The following CRISPLD1 variants were observed in gnomAD, a reference collection of about 807,000 sequenced individuals.
The protein encoded by CRISPLD1 is cysteine-rich secretory protein LCCL domain-containing 1.
CRISPLD1 carries 60 observed loss-of-function variants against 77.5 expected under a neutral mutation model. The observed-to-expected ratio is 0.77, with a 90% CI of 0.63 to 0.96. CRISPLD1 has a LOEUF of 0.96. CRISPLD1 is among the 40% of genes least tolerant of loss of function. CRISPLD1 has a pLI of 0.00. For missense variants in CRISPLD1, 623 were observed against 615.8 expected (o/e 1.01, Z -0.12); for synonymous variants, 195 against 200.1 (o/e 0.97, Z 0.22).
rs1179562196 is a variant in CRISPLD1 at position 75,032,547 on chromosome 8, T to C, written c.*305T>C. On this transcript the variant is annotated 3_prime_UTR_variant, in exon 15 of 15. Coordinates refer to ENST00000262207, the MANE Select transcript of CRISPLD1 (RefSeq NM_031461.6). ...GTTCTACGTTTCATATATTATATGG[T>C]GCTTTGTATATGCCACTAATAAAAT... is the stretch of plus-strand genomic sequence containing the variant. 4.7e-6 allele frequency: 1 copy of C among 210,584 alleles called. No individual in the cohort carries two copies. Among genetic ancestry groups the C allele is most frequent in the Non-Finnish European group, 9.4e-6 (1 of 106,446 alleles). 13.0% of individuals were successfully genotyped at this position (210,584 alleles called of 1,614,324 possible).
In CRISPLD1 at chr8:75,000,226, C is replaced by G. The variant is rs1394988668; in HGVS notation, c.259-12207C>G. On this transcript the variant is annotated intron_variant, in intron 2 of 14. Coordinates refer to ENST00000262207, the MANE Select transcript of CRISPLD1 (RefSeq NM_031461.6). ...AACTATATCTTATGCTTGGTCAAGA[C>G]GTGTCAAATCTGTATCTGAAATAGT... is the stretch of plus-strand genomic sequence containing the variant. 12 of 984,946 alleles carry G rather than the reference C, an allele frequency of 1.2e-5. No individual in the cohort carries two copies. In the Admixed American group the frequency reaches 7.4e-4, roughly 61 times the overall value. The allele number at this position is 984,946 out of a possible 1,614,324, so 61.0% of individuals were successfully genotyped here.
At chr8:74,988,281 T>A (rs1812524880) in intron 2 of CRISPLD1, among the ~76,000 whole-genome samples, 1 of 152,224 alleles carries the variant, frequency 6.6e-6, no homozygotes, top group African/African-American at 2.4e-5. Flanking sequence ...GTATTTATTC[T>A]GAGAAAACAA....
chr8:74,999,801 T>C (rs907348950), intron 2 of CRISPLD1, among the ~76,000 whole-genome samples: 2 of 150,410 alleles, frequency 1.3e-5, no homozygotes. Context: ...AAAGTACTTA[T>C]AATACACAAT....
intron 5 of CRISPLD1, 67 bp downstream of exon 5, chr8:75,014,169 C>T (rs1812986841): frequency 1.0e-6 from 1 of 964,266 alleles, no homozygotes; most frequent in South Asian, 1.3e-5. Flanking sequence ...CCTTTACGTT[C>T]CTGATTGTTC....
chr8:75,009,149 A>G (rs1023727604), intron 2 of CRISPLD1, among the ~76,000 whole-genome samples: 2 of 152,036 alleles, frequency 1.3e-5, no homozygotes, highest in Non-Finnish European at 2.9e-5. Context: ...GAGGTGTCTC[A>G]TGATTGCCCT....
intron 2 of CRISPLD1, 134 bp from the exon 3 acceptor site, chr8:75,012,299 C>T (rs894391807): frequency 6.2e-6 from 4 of 647,506 alleles, no homozygotes; most frequent in Admixed American, 2.4e-5. Context: ...ACTTTTGAGT[C>T]TGATGAGAAT....
At chr8:75,029,869 A>G (rs1400548063) in intron 14 of CRISPLD1, among the ~76,000 whole-genome samples, 1 of 152,208 alleles carries the variant, frequency 6.6e-6, no homozygotes, top group Non-Finnish European at 1.5e-5. Flanking sequence ...CAAGGCACAG[A>G]ATATTTCTCT....
chr8:74,990,151 T>C (rs1241019738), intron 2 of CRISPLD1, among the ~76,000 whole-genome samples: 1 of 152,174 alleles, frequency 6.6e-6, no homozygotes, highest in Non-Finnish European at 1.5e-5. Context: ...GTATATTACA[T>C]TATGTAATAC....
chr8:75,029,910 A>C (rs1186409985), intron 14 of CRISPLD1, among the ~76,000 whole-genome samples: 6 of 152,178 alleles, frequency 3.9e-5, no homozygotes, highest in African/African-American at 7.2e-5. Flanking sequence ...TATTTGACAA[A>C]AACAATGTCT....
In CRISPLD1 at chr8:74,986,042, A is replaced by G. The variant is rs1272626461; in HGVS notation, c.55A>G (p.Arg19Gly). The change falls in exon 2 of 15, where the codon AGA becomes GGA. Residue 19 changes from arginine (R) to glycine (G), a missense_variant. By Grantham distance (125) the Arg-to-Gly change is moderately radical. Transcript: ENST00000262207. Reference sequence around the variant, plus strand: ...AGTAACCACAGTGCTGTTCATGGCTAGAGCAATTCCAGCCATGGTGGTTCC... The same window carrying G: ...AGTAACCACAGTGCTGTTCATGGCTGGAGCAATTCCAGCCATGGTGGTTCC... ...LRVTTVLFMA[R>G]AIPAMVVPNA... The G allele has an allele frequency of 1.3e-5, 21 of 1,613,920 alleles. No homozygotes were observed. Among genetic ancestry groups the G allele is most frequent in the Non-Finnish European group, 1.7e-5 (20 of 1,179,898 alleles).
At chr8:75,011,129 A>G (rs934710819) in intron 2 of CRISPLD1, among the ~76,000 whole-genome samples, 6 of 145,466 alleles carry the variant, frequency 4.1e-5, no homozygotes, top group Non-Finnish European at 7.5e-5. Flanking sequence ...TATCTTTATT[A>G]TTATTATTAT....
chr8:75,002,123 A>G (rs57949488), intron 2 of CRISPLD1, among the ~76,000 whole-genome samples: 8,715 of 152,090 alleles, frequency 0.057, 520 homozygotes, highest in African/African-American at 0.16. Flanking sequence ...ACATACTCCA[A>G]CCTTTGTTTT....
chr8:74,994,587 C>A (rs1457183088), intron 2 of CRISPLD1, among the ~76,000 whole-genome samples: 2 of 152,232 alleles, frequency 1.3e-5, no homozygotes, highest in East Asian at 3.8e-4. Flanking sequence ...ACCTCTGTCT[C>A]CTCCCTTCCT....
intron 3 of CRISPLD1, 99 bp from the exon 4 acceptor site, chr8:75,012,791 A>G (rs1315784065): frequency 2.2e-6 from 3 of 1,353,888 alleles, no homozygotes; most frequent in Admixed American, 4.4e-5. Context: ...TTTACGCCAA[A>G]GTGTCTTTCT....
intron 2 of CRISPLD1, among the ~76,000 whole-genome samples, chr8:74,997,585 A>T (rs1385156710): frequency 6.6e-6 from 1 of 152,172 alleles, no homozygotes; most frequent in East Asian, 1.9e-4. Flanking sequence ...ACTGAATAAG[A>T]TCACCCAAGA....
At chr8:75,001,849 C>T (rs1400303382) in intron 2 of CRISPLD1, among the ~76,000 whole-genome samples, 1 of 152,156 alleles carries the variant, frequency 6.6e-6, no homozygotes, top group Non-Finnish European at 1.5e-5. Flanking sequence ...TATCTGCTTA[C>T]TTATGATGAA....
At chr8:75,027,117 TG>T (rs1813247718) in intron 13 of CRISPLD1, among the ~76,000 whole-genome samples, 1 of 152,202 alleles carries the variant, frequency 6.6e-6, no homozygotes, top group East Asian at 1.9e-4. Flanking sequence ...CCTGTTGTAT[TG>T]GGTATTATGA....
chr8:75,012,052 G>A (rs541911185), intron 2 of CRISPLD1, among the ~76,000 whole-genome samples: 1 of 152,218 alleles, frequency 6.6e-6, no homozygotes, highest in Non-Finnish European at 1.5e-5. Context: ...AGGTTGCTTA[G>A]GGAGGGGAAA....
At chr8:75,020,559 AG>A (rs779979321) in intron 12 of CRISPLD1, among the ~76,000 whole-genome samples, 2 of 152,174 alleles carry the variant, frequency 1.3e-5, no homozygotes, top group African/African-American at 2.4e-5. Flanking sequence ...CCTTCTTGTA[AG>A]GACACTAATC....
Sources: allele counts gnomAD v4.1 joint callset (sites outside exome capture counted in the v4.1 genomes callset), GRCh38; gene constraint gnomAD v4.1.1; transcripts MANE v1.5; gene names NCBI Gene and HGNC (gene_info 2026-07-23, HGNC 2026-07-21).